Variants in MRTFB observed in about 807,000 individuals in gnomAD.
The protein encoded by MRTFB is myocardin-related transcription factor B.
A neutral mutation model predicts 104.2 loss-of-function variants in MRTFB; 29 were observed. The observed-to-expected ratio is 0.28, with a 90% confidence interval of 0.21 to 0.38. The LOEUF is 0.38. Among genes scored for constraint, MRTFB ranks in the 10% least tolerant of loss-of-function variants. The pLI, the probability that MRTFB is intolerant of heterozygous loss-of-function variation, is 1.00. For missense variants in MRTFB, 1,270 were observed against 1,341.6 expected, an observed-to-expected ratio of 0.95 and a Z score of 0.83; for synonymous variants, 535 against 519.5, an observed-to-expected ratio of 1.03 and a Z score of -0.41.
intron 3 of MRTFB, among the ~76,000 whole-genome samples, chr16:14,171,781 T>A (rs1023064823): frequency 6.6e-6 from 1 of 152,350 alleles, no homozygotes; most frequent in African/African-American, 2.4e-5. Flanking sequence ...TGTGTTACAT[T>A]TAAACATGTG....
intron 1 of MRTFB, among the ~76,000 whole-genome samples, chr16:14,077,521 T>TA (rs2141829565): frequency 6.6e-6 from 1 of 152,116 alleles, no homozygotes; most frequent in East Asian, 1.9e-4. Flanking sequence ...GTTGCTTTTT[T>TA]TTTTTTTGGC....
the MRTFB span, among the ~76,000 whole-genome samples, chr16:14,021,533 A>G: frequency 0.43 from 65,629 of 152,014 alleles, 14,397 homozygotes; most frequent in Middle Eastern, 0.6. Flanking sequence ...ACCAAGCAGT[A>G]TACACTGCAC....
chr16:14,245,392 A>G (rs757424136), intron 10 of MRTFB, 136 bp from the exon 11 acceptor site: 46 of 689,750 alleles, frequency 6.7e-5, no homozygotes, highest in Non-Finnish European at 9.6e-5. Flanking sequence ...TGTAATTGGC[A>G]TCTTTACAAT....
intron 4 of MRTFB, among the ~76,000 whole-genome samples, chr16:14,210,696 T>C (rs565248208): frequency 6.6e-6 from 1 of 152,308 alleles, no homozygotes; most frequent in Admixed American, 6.5e-5. Context: ...CTTAGACTTA[T>C]TTAGTTCCAG....
the MRTFB span, among the ~76,000 whole-genome samples, chr16:14,053,045 T>C: frequency 0.018 from 2,687 of 152,288 alleles, 58 homozygotes; most frequent in African/African-American, 0.048. Flanking sequence ...ATGCCAGGAT[T>C]TCATTCTTGT....
chr16:14,171,621 C>A (rs1170999652), intron 3 of MRTFB, among the ~76,000 whole-genome samples: 1 of 152,148 alleles, frequency 6.6e-6, no homozygotes, highest in East Asian at 1.9e-4. Context: ...TTCCTTTAGC[C>A]TTTCCCCTTT....
At chr16:14,058,445 T>C in the MRTFB span, among the ~76,000 whole-genome samples, 1 of 128,096 alleles carries the variant, frequency 7.8e-6, no homozygotes, top group African/African-American at 2.5e-5. Context: ...AGCCGGGCAA[T>C]GTACCCAAGT....
intron 3 of MRTFB, among the ~76,000 whole-genome samples, chr16:14,198,662 C>T (rs1007108261): frequency 2.0e-5 from 3 of 152,298 alleles, no homozygotes; most frequent in Non-Finnish European, 1.5e-5. Flanking sequence ...ATTAACTTTC[C>T]CTTTACCCAT....
rs561677603 is a variant in MRTFB, at chr16:14,262,679, A to G, written c.*1235A>G. 2 of 152,376 alleles carry G rather than the reference A, an allele frequency of 1.3e-5. No homozygotes were observed. Among genetic ancestry groups the G allele is most frequent in the East Asian group, 3.8e-4 (2 of 5,196 alleles). 9.4% of individuals were successfully genotyped at this position (152,376 alleles called of 1,614,324 possible). On this transcript the variant is annotated 3_prime_UTR_variant, in exon 17 of 17. Transcript: ENST00000571589. ...CTGGAGGCTTTATTAGTGTTTTTATATAGAAAACAGTTATTACATATGTGT... is the reference window on the plus strand; with the variant it reads ...CTGGAGGCTTTATTAGTGTTTTTATGTAGAAAACAGTTATTACATATGTGT...
At chr16:14,144,634 C>A (rs376911162) in intron 3 of MRTFB, 9 of 151,406 alleles carry the variant, frequency 5.9e-5, no homozygotes, top group African/African-American at 2.2e-4. Flanking sequence ...ATACATATTT[C>A]AAAAAAAAGT....
Position 14,246,335 on chromosome 16 carries a change from T to A in MRTFB, c.1213-138T>A, listed in dbSNP as rs1360325209. 9.0e-6 allele frequency: 7 copies of A among 777,970 alleles called. No individual in the cohort carries two copies. The Admixed American group carries it at 1.7e-4, about 19-fold the overall frequency. The allele number at this position is 777,970 out of a possible 1,614,324, so 48.2% of individuals were successfully genotyped here. ...TTATCTGTTTCTGTGTGCTTAAATA[T>A]AAAACCAGTTCTACTTTCAGGTGTG... On this transcript the variant is annotated intron_variant, in intron 11 of 16. Coordinates refer to ENST00000571589, the MANE Select transcript of MRTFB (RefSeq NM_001308142.2).
rs1000047654 is a variant in MRTFB, at chr16:14,263,866, C to T, written c.*2422C>T. 6.6e-6 allele frequency: 1 copy of T among 152,272 alleles called. No homozygotes were observed. 9.4% of individuals were successfully genotyped at this position (152,272 alleles called of 1,614,324 possible). A position where few individuals can be genotyped will look rare whatever the true frequency, so the allele number is the denominator to read the frequency against. On this transcript the variant is annotated 3_prime_UTR_variant, in exon 17 of 17. Transcript: ENST00000571589. ...GCACCATTCCGCTTGACCCTCCTCTCTCCTGGCTTGGGTCACCAGCCAGGC... is the reference window on the plus strand; with the variant it reads ...GCACCATTCCGCTTGACCCTCCTCTTTCCTGGCTTGGGTCACCAGCCAGGC...
chr16:14,029,261 A>C, the MRTFB span, among the ~76,000 whole-genome samples: 3 of 151,686 alleles, frequency 2.0e-5, no homozygotes, highest in Admixed American at 2.0e-4. Flanking sequence ...AACTATGATC[A>C]CACCACTGCA....
intron 3 of MRTFB, among the ~76,000 whole-genome samples, chr16:14,202,645 G>A (rs2040759399): frequency 6.6e-6 from 1 of 152,116 alleles, no homozygotes; most frequent in Admixed American, 6.5e-5. Flanking sequence ...TAATAGTAGT[G>A]GTAATAATTA....
intron 2 of MRTFB, among the ~76,000 whole-genome samples, chr16:14,096,751 C>G (rs2035396644): frequency 6.6e-6 from 1 of 152,136 alleles, no homozygotes; most frequent in African/African-American, 2.4e-5. Context: ...GTCTTTGATA[C>G]CAACCTTTAG....
At chr16:14,253,365 C>T (rs891631016) in intron 15 of MRTFB, among the ~76,000 whole-genome samples, 7 of 152,256 alleles carry the variant, frequency 4.6e-5, no homozygotes, top group Admixed American at 1.3e-4. Flanking sequence ...AATATCCAAG[C>T]GGTACTGTTT....
At chr16:14,212,093 T>A (rs1305063249) in intron 4 of MRTFB, among the ~76,000 whole-genome samples, 1 of 152,198 alleles carries the variant, frequency 6.6e-6, no homozygotes, top group East Asian at 1.9e-4. Flanking sequence ...CTATGAGTAG[T>A]CAGAACTAGT....
chr16:14,206,297 A>G (rs1402186427), intron 3 of MRTFB, among the ~76,000 whole-genome samples: 1 of 152,208 alleles, frequency 6.6e-6, no homozygotes, highest in Non-Finnish European at 1.5e-5. Context: ...TCTGTGTCTC[A>G]TGACAATTAA....
In MRTFB at chr16:14,165,701, A is replaced by G. The variant is rs545030407; in HGVS notation, c.154+24941A>G. The stretch of plus-strand genomic sequence containing the variant: ...TGTTCATGTGACACCATCTTCCAAC[A>G]CTCCTGCTTTCTCCCTGTTCATCCA... On this transcript the variant is annotated intron_variant, in intron 3 of 16. Transcript: ENST00000571589. 4.0e-5 allele frequency among the ~76,000 whole-genome samples: 6 copies of G among 151,646 alleles called. No individual in the cohort carries two copies. The South Asian group carries it at 1.3e-3, about 32-fold the overall frequency.
Sources: allele counts gnomAD v4.1 joint callset (sites outside exome capture counted in the v4.1 genomes callset), GRCh38; gene constraint gnomAD v4.1.1; transcripts MANE v1.5; gene names NCBI Gene and HGNC (gene_info 2026-07-23, HGNC 2026-07-21).